CSMD1: variants seen among roughly 807,000 people sequenced by gnomAD.
CSMD1 encodes the protein CUB and Sushi multiple domains 1.
CSMD1 carries 213 observed loss-of-function variants against 417.5 expected under a neutral mutation model. That is an observed-to-expected ratio of 0.51 (90% CI 0.46 to 0.57). The LOEUF (loss-of-function observed/expected upper bound fraction) is 0.57, where lower values mean the gene tolerates loss of function less well. Among genes scored for constraint, CSMD1 ranks in the 20% least tolerant of loss-of-function variants. The probability of loss-of-function intolerance (pLI) is 0.00; values close to 1 mark genes in which losing one functional copy is unlikely to be tolerated. For missense variants in CSMD1, 6,923 were observed against 4,529.7 expected (o/e 1.53, Z -15.17); for synonymous variants, 2,862 against 1,736.8 (o/e 1.65, Z -16.11).
At chr8:3,618,595 G>T (rs1162326334) in intron 7 of CSMD1, among the ~76,000 whole-genome samples, 1 of 151,832 alleles carries the variant, frequency 6.6e-6, no homozygotes, top group East Asian at 1.9e-4. Context: ...CAGCAAGTTT[G>T]GTGATAGCAT....
At chr8:3,104,815 C>T (rs565269432) in intron 46 of CSMD1, among the ~76,000 whole-genome samples, 1 of 151,090 alleles carries the variant, frequency 6.6e-6, no homozygotes, top group Non-Finnish European at 1.5e-5. Flanking sequence ...TCAAGCAATT[C>T]TCCTGACTCA....
At chr8:4,362,530 C>A (rs1300695897) in intron 3 of CSMD1, among the ~76,000 whole-genome samples, 1 of 152,160 alleles carries the variant, frequency 6.6e-6, no homozygotes, top group African/African-American at 2.4e-5. Context: ...ATAGATAGAA[C>A]AGGATCTTTA....
At chr8:3,530,101 T>C (rs978983952) in intron 10 of CSMD1, among the ~76,000 whole-genome samples, 14 of 152,168 alleles carry the variant, frequency 9.2e-5, no homozygotes, top group African/African-American at 3.4e-4. Context: ...AGGTTTCAAT[T>C]TTATTGATCT....
At chr8:3,349,855 A>G (rs1422415759) in intron 21 of CSMD1, among the ~76,000 whole-genome samples, 2 of 134,774 alleles carry the variant, frequency 1.5e-5, no homozygotes, top group Non-Finnish European at 3.2e-5. Context: ...ATAAATATAT[A>G]TAATTATATA....
chr8:4,193,455 T>C (rs984715061), intron 3 of CSMD1, among the ~76,000 whole-genome samples: 1 of 152,138 alleles, frequency 6.6e-6, no homozygotes, highest in East Asian at 1.9e-4. Context: ...CCAGGTCATG[T>C]TTTCCCTGGA....
chr8:3,318,029 G>A (rs184612151), intron 23 of CSMD1, among the ~76,000 whole-genome samples: 247 of 152,198 alleles, frequency 1.6e-3, no homozygotes, highest in Non-Finnish European at 1.4e-3. Flanking sequence ...TCAAAACCCT[G>A]GGTTCAAGTG....
chr8:4,750,891 G>C (rs751634050), intron 1 of CSMD1, among the ~76,000 whole-genome samples: 20 of 152,334 alleles, frequency 1.3e-4, no homozygotes, highest in Non-Finnish European at 2.6e-4. Flanking sequence ...CAGAGAAGCA[G>C]TACTAGGTCT....
intron 1 of CSMD1, among the ~76,000 whole-genome samples, chr8:4,947,758 G>A (rs1301539441): frequency 6.6e-6 from 1 of 152,056 alleles, no homozygotes; most frequent in Admixed American, 6.5e-5. Flanking sequence ...TATAAAACTA[G>A]TGTCCTACTT....
At chr8:4,052,149 T>C (rs1456132360) in intron 3 of CSMD1, among the ~76,000 whole-genome samples, 1 of 152,056 alleles carries the variant, frequency 6.6e-6, no homozygotes, top group Non-Finnish European at 1.5e-5. Context: ...GGTCTCGAAC[T>C]CCTGACCTGA....
chr8:4,802,229 C>T (rs1469848911), intron 1 of CSMD1, among the ~76,000 whole-genome samples: 1 of 152,158 alleles, frequency 6.6e-6, no homozygotes, highest in Non-Finnish European at 1.5e-5. Flanking sequence ...TTGGCTTAAA[C>T]TAGTAGTGTT....
intron 3 of CSMD1, among the ~76,000 whole-genome samples, chr8:4,206,052 C>G (rs1388175940): frequency 6.6e-6 from 1 of 152,096 alleles, no homozygotes; most frequent in African/African-American, 2.4e-5. Flanking sequence ...TAAATCTTCC[C>G]TGGATCCATT....
At chr8:4,984,706 G>A (rs1584952826) in intron 1 of CSMD1, among the ~76,000 whole-genome samples, 1 of 152,270 alleles carries the variant, frequency 6.6e-6, no homozygotes, top group East Asian at 1.9e-4. Context: ...TGGGCACAAA[G>A]CACAACCACT....
intron 12 of CSMD1, among the ~76,000 whole-genome samples, chr8:3,415,299 A>G (rs991678678): frequency 1.1e-4 from 16 of 152,192 alleles, no homozygotes; most frequent in African/African-American, 3.4e-4. Flanking sequence ...CAAGAATATA[A>G]TACATTATTA....
Position 3,622,260 on chromosome 8 carries a change from C to G in CSMD1, c.1010-5463G>C, listed in dbSNP as rs565155208. ...CATCACAGGCTGGATGTCTTCTATA[C>G]TACCTCAAGCAAAATCATTATTGCT... is the stretch of plus-strand genomic sequence containing the variant. On this transcript the variant is annotated intron_variant, in intron 7 of 69. Transcript: ENST00000635120. 9.4e-4 allele frequency among the ~76,000 whole-genome samples: 143 copies of G among 152,302 alleles called. 1 individual carries two copies. Among genetic ancestry groups the G allele is most frequent in the African/African-American group, 3.1e-3 (130 of 41,576 alleles).
At chr8:4,205,753 C>T (rs1300475694) in intron 3 of CSMD1, among the ~76,000 whole-genome samples, 1 of 151,816 alleles carries the variant, frequency 6.6e-6, no homozygotes, top group Admixed American at 6.6e-5. Flanking sequence ...GTGAGATGAA[C>T]AGCTGTTTGG....
chr8:4,042,938 C>T (rs1396145935), intron 3 of CSMD1, among the ~76,000 whole-genome samples: 1 of 150,100 alleles, frequency 6.7e-6, no homozygotes, highest in Non-Finnish European at 1.5e-5. Flanking sequence ...CCAGTCTGGC[C>T]AAGAGAGCAA....
chr8:3,796,597 A>G (rs1162609857), intron 5 of CSMD1, among the ~76,000 whole-genome samples: 1 of 147,344 alleles, frequency 6.8e-6, no homozygotes, highest in Non-Finnish European at 1.5e-5. Flanking sequence ...ATAGATATAT[A>G]TCTATAATGT....
intron 2 of CSMD1, among the ~76,000 whole-genome samples, chr8:4,604,082 T>C (rs1800739265): frequency 6.6e-6 from 1 of 152,076 alleles, no homozygotes; most frequent in African/African-American, 2.4e-5. Context: ...TTAGTTGTTA[T>C]CATAGACAGA....
At chr8:3,320,378 C>T (rs1276516464) in intron 23 of CSMD1, among the ~76,000 whole-genome samples, 2 of 152,086 alleles carry the variant, frequency 1.3e-5, no homozygotes, top group Non-Finnish European at 2.9e-5. Context: ...CTTGGCTCCC[C>T]CATGCTGTAG....
Sources: gnomAD v4.1 joint callset for allele counts (sites outside exome capture counted in the v4.1 genomes callset) on GRCh38, gnomAD v4.1.1 for gene constraint, MANE v1.5 for transcripts, NCBI Gene and HGNC (gene_info 2026-07-23, HGNC 2026-07-21) for gene names.